The following CEACAM5 variants were observed in gnomAD, a reference collection of about 807,000 sequenced individuals.
CEACAM5 encodes CEA cell adhesion molecule 5.
In CEACAM5, 52 loss-of-function variants were observed where a neutral mutation model predicts 63.0. The ratio of observed to expected loss-of-function variants is 0.83; its 90% confidence interval spans 0.66 to 1.04. The LOEUF is 1.04. Ranked by LOEUF, CEACAM5 falls within the 50% of genes least tolerant of loss-of-function variation. The pLI, the probability that CEACAM5 is intolerant of heterozygous loss-of-function variation, is 0.00. For missense variants in CEACAM5, 790 were observed against 864.8 expected (o/e 0.91, Z 1.08); for synonymous variants, 357 against 351.3 (o/e 1.02, Z -0.18).
chr19:41,724,600 A>C (rs1245849632), intron 8 of CEACAM5, among the ~76,000 whole-genome samples: 10 of 152,226 alleles, frequency 6.6e-5, no homozygotes, highest in Non-Finnish European at 1.5e-5. Context: ...ATCCATGAAA[A>C]AAAAATGTCT....
rs533002094 is a variant in CEACAM5, at chr19:41,713,566, G to A, written c.425-1405G>A. On this transcript the variant is annotated intron_variant, in intron 2 of 9. Coordinates refer to ENST00000221992, the MANE Select transcript of CEACAM5 (RefSeq NM_004363.6). ...TGCATAACTGAAACTGCAGACCCAT[G>A]AACAACTCTCCATTCCCCCAGTTCC... Among the ~76,000 whole-genome samples the A allele has an allele frequency of 2.0e-5, 3 of 152,248 alleles. 1 individual carries two copies. In the South Asian group the frequency reaches 6.2e-4, roughly 32 times the overall value.
In CEACAM5 at chr19:41,720,030, C is replaced by A; in HGVS notation, c.1593C>A (p.Thr531=). 1 of 1,614,250 alleles carries A rather than the reference C, an allele frequency of 6.2e-7. No homozygotes were observed. The highest frequency in any genetic ancestry group is 1.1e-5 in the South Asian group (1 of 91,090). ...FTCEPEAQNT[T]YLWWVNGQSL... The stretch of plus-strand genomic sequence containing the variant: ...GTGAACCTGAGGCTCAGAACACAAC[C>A]TACCTGTGGTGGGTAAATGGTCAGA... Residue 531 remains threonine, a synonymous_variant, in exon 7 of 10, where the codon ACC becomes ACA. Transcript: ENST00000221992.
At position 41,717,568 on chromosome 19, in the gene CEACAM5, G is replaced by A. The variant is rs782187530; in HGVS notation, c.1072G>A (p.Val358Ile). 1.7e-5 allele frequency: 27 copies of A among 1,614,106 alleles called. No individual in the cohort carries two copies. Among genetic ancestry groups the A allele is most frequent in the Non-Finnish European group, 1.9e-5 (22 of 1,180,052 alleles). ...TCAGAACACAACCTACCTGTGGTGG[G>A]TAAATAATCAGAGCCTCCCGGTCAG... is the stretch of plus-strand genomic sequence containing the variant. Reference protein sequence around the residue: ...EIQNTTYLWWVNNQSLPVSPR... With the variant: ...EIQNTTYLWWINNQSLPVSPR... The change falls in exon 5 of 10, where the codon GTA becomes ATA. Residue 358 changes from valine (V) to isoleucine (I), a missense_variant. By Grantham distance (29) the Val-to-Ile change is conservative (BLOSUM62 3). Coordinates refer to ENST00000221992, the MANE Select transcript of CEACAM5 (RefSeq NM_004363.6).
At chr19:41,710,112 G>A in intron 2 of CEACAM5, 73 bp downstream of exon 2, 1 of 1,557,386 alleles carries the variant, frequency 6.4e-7, no homozygotes, top group Non-Finnish European at 8.7e-7. Flanking sequence ...TATCAGGCCT[G>A]GGCTGTGCCT....
rs1398682352 is a variant in CEACAM5, at chr19:41,730,137, TG to T, written c.*993del. 2.0e-5 allele frequency among the ~76,000 whole-genome samples: 3 copies of T among 152,180 alleles called. No homozygotes were observed. In the East Asian group the frequency reaches 5.8e-4, roughly 29 times the overall value. ...CAAAGCAACTTTAAAAAAGTCTGTG[TG>T]GGCCGGGCGCGGTGGCTCACGCCTG... On this transcript the variant is annotated 3_prime_UTR_variant, in exon 10 of 10. Coordinates refer to ENST00000221992, the MANE Select transcript of CEACAM5 (RefSeq NM_004363.6).
chr19:41,710,064 G>C, intron 2 of CEACAM5, 25 bp downstream of exon 2: 1 of 1,578,920 alleles, frequency 6.3e-7, no homozygotes, highest in South Asian at 1.2e-5. Flanking sequence ...CATGACCTCT[G>C]GGTGTTGGGG....
intron 9 of CEACAM5, among the ~76,000 whole-genome samples, chr19:41,727,970 C>T (rs1214553718): frequency 6.6e-6 from 1 of 152,224 alleles, no homozygotes; most frequent in African/African-American, 2.4e-5. Context: ...AAAAACATGT[C>T]AAACAGGGTG....
At chr19:41,718,029 G>A (rs983497246) in intron 5 of CEACAM5, 99 bp from the exon 6 acceptor site, 21 of 1,444,640 alleles carry the variant, frequency 1.5e-5, no homozygotes, top group Non-Finnish European at 2.0e-5. Context: ...CTTCAGGATT[G>A]TGACTTGGCT....
chr19:41,717,359 G>C, intron 4 of CEACAM5, 96 bp from the exon 5 acceptor site: 1 of 1,331,864 alleles, frequency 7.5e-7, no homozygotes. Context: ...GACTCAGTTG[G>C]GCTGAGAGGT....
intron 4 of CEACAM5, 121 bp from the exon 5 acceptor site, chr19:41,717,334 C>T (rs2072542483): frequency 1.9e-6 from 2 of 1,057,110 alleles, no homozygotes; most frequent in African/African-American, 1.6e-5. Flanking sequence ...CACACACCTG[C>T]CATGAGCTTT....
intron 8 of CEACAM5, among the ~76,000 whole-genome samples, chr19:41,721,560 C>A (rs565064293): frequency 6.6e-6 from 1 of 152,342 alleles, no homozygotes; most frequent in East Asian, 1.9e-4. Flanking sequence ...CTACAAGGAA[C>A]AAGGAGGCTT....
At chr19:41,724,979 TCTAATA>T (rs2072678206) in intron 8 of CEACAM5, among the ~76,000 whole-genome samples, 1 of 152,242 alleles carries the variant, frequency 6.6e-6, no homozygotes, top group African/African-American at 2.4e-5. Flanking sequence ...GGCTAGGACT[TCTAATA>T]CTGTGTCGAA....
chr19:41,711,136 G>T (rs2072429348), intron 2 of CEACAM5, among the ~76,000 whole-genome samples: 1 of 152,182 alleles, frequency 6.6e-6, no homozygotes, highest in Admixed American at 6.5e-5. Flanking sequence ...CCACAGCTCA[G>T]AAGCGGAGAT....
At chr19:41,727,407 C>T (rs1472670026) in intron 9 of CEACAM5, 55 bp downstream of exon 9, 5 of 886,260 alleles carry the variant, frequency 5.6e-6, no homozygotes, top group African/African-American at 3.4e-5. Flanking sequence ...GACTGCCATG[C>T]TTGGGAGAGG....
Position 41,730,433 on chromosome 19 carries a change from A to C in CEACAM5, c.*1286A>C, listed in dbSNP as rs1190480123. 1.1e-4 allele frequency among the ~76,000 whole-genome samples: 17 copies of C among 151,692 alleles called. No homozygotes were observed. The highest frequency in any genetic ancestry group is 4.1e-4 in the African/African-American group (17 of 41,314). On this transcript the variant is annotated 3_prime_UTR_variant, in exon 10 of 10. Coordinates refer to ENST00000221992, the MANE Select transcript of CEACAM5 (RefSeq NM_004363.6). ...TGAGACTCCGTCAAAAAAAAAAAAA[A>C]GTCTATGTGGTCAGTCACTACTCTT...
chr19:41,709,282 C>A (rs1484398047), intron 1 of CEACAM5, among the ~76,000 whole-genome samples: 1 of 152,138 alleles, frequency 6.6e-6, no homozygotes, highest in Non-Finnish European at 1.5e-5. Context: ...ACAAAGAGAT[C>A]TAGAATGTGA....
In CEACAM5 at chr19:41,717,489, C is replaced by T; in HGVS notation, c.993C>T (p.Asn331=). ...CCAAACCCTTCATCACCAGCAACAA[C>T]TCCAACCCCGTGGAGGATGAGGATG... ...EPPKPFITSN[N]SNPVEDEDAV... Residue 331 remains asparagine, a synonymous_variant, in exon 5 of 10, where the codon AAC becomes AAT. Transcript: ENST00000221992. 1.9e-6 allele frequency: 3 copies of T among 1,614,168 alleles called. No individual in the cohort carries two copies.
chr19:41,709,537 G>GACACACACACACACAC lies in CEACAM5; in HGVS notation c.65-128_65-113dup, dbSNP rs71334990. 2.0e-4 allele frequency: 222 copies of GACACACACACACACAC among 1,115,948 alleles called. No individual in the cohort carries two copies. The African/African-American group carries it at 3.0e-3, about 15-fold the overall frequency. The allele number at this position is 1,115,948 out of a possible 1,614,324, so 69.1% of individuals were successfully genotyped here. A position where few individuals can be genotyped will look rare whatever the true frequency, so the allele number is the denominator to read the frequency against. On this transcript the variant is annotated intron_variant, in intron 1 of 9. Coordinates refer to ENST00000221992, the MANE Select transcript of CEACAM5 (RefSeq NM_004363.6). ...CACACTGCTGACCTTGACCTAGTAG[G>GACACACACACACACAC]ACACACACACACACACACACACACA...
Position 41,713,314 on chromosome 19 carries a change from AAAAG to A in CEACAM5, c.425-1649_425-1646del, listed in dbSNP as rs530394817. Reference sequence around the variant, plus strand: ...GCGAGACTCCATCTCAAAAAAAAGAAAAAGAAAGAAAAGAAAAGAAAAAAGAAAG... The same window carrying A: ...GCGAGACTCCATCTCAAAAAAAAGAAAAAGAAAAGAAAAGAAAAAAGAAAG... On this transcript the variant is annotated intron_variant, in intron 2 of 9. Transcript: ENST00000221992. Among the ~76,000 whole-genome samples, 269 of 152,344 alleles carry A rather than the reference AAAAG, an allele frequency of 1.8e-3. 1 individual carries two copies. Among genetic ancestry groups the A allele is most frequent in the African/African-American group, 6.3e-3 (262 of 41,576 alleles).
Sources: allele counts gnomAD v4.1 joint callset (sites outside exome capture counted in the v4.1 genomes callset), GRCh38; gene constraint gnomAD v4.1.1; transcripts MANE v1.5; gene names NCBI Gene and HGNC (gene_info 2026-07-23, HGNC 2026-07-21).